Variants in ANKRD17 observed in about 807,000 individuals in gnomAD.
ANKRD17 encodes the protein ankyrin repeat domain-containing protein 17.
Under a neutral mutation model 229.7 loss-of-function variants are expected in ANKRD17, and 19 were observed. The ratio of observed to expected loss-of-function variants is 0.08; its 90% CI spans 0.06 to 0.12. ANKRD17 has a LOEUF of 0.12. Among genes scored for constraint, ANKRD17 ranks in the 10% least tolerant of loss-of-function variants. The pLI is 1.00. For synonymous variants in ANKRD17, 1,112 were observed against 1,146.1 expected (o/e 0.97, Z 0.60); for missense variants, 2,176 against 3,176.8 (o/e 0.68, Z 7.57).
chr4:73,149,090 TA>T lies in ANKRD17; in HGVS notation c.1330-41del, dbSNP rs528563828. On this transcript the variant is annotated intron_variant, in intron 7 of 33. Coordinates refer to ENST00000358602, the MANE Select transcript of ANKRD17 (RefSeq NM_032217.5). Reference sequence around the variant, plus strand: ...ATTTAAAAAATTAAATCAGCACCATTAAAAAAATCTTGAAAAATTTGAAGAC... The same window carrying T: ...ATTTAAAAAATTAAATCAGCACCATTAAAAAATCTTGAAAAATTTGAAGAC... 3.3e-3 allele frequency: 5,065 copies of T among 1,554,844 alleles called. 19 individuals are homozygous for T. Among genetic ancestry groups the T allele is most frequent in the Non-Finnish European group, 3.9e-3 (4,471 of 1,141,292 alleles).
chr4:73,128,451 T>C (rs1727762149), intron 16 of ANKRD17, among the ~76,000 whole-genome samples: 1 of 152,228 alleles, frequency 6.6e-6, no homozygotes, highest in Non-Finnish European at 1.5e-5. Context: ...TTAGGAAAGC[T>C]TAAATAGAAA....
chr4:73,228,928 A>G (rs1578468798), intron 1 of ANKRD17, among the ~76,000 whole-genome samples: 1 of 152,348 alleles, frequency 6.6e-6, no homozygotes, highest in African/African-American at 2.4e-5. Context: ...TGTGGCACGT[A>G]TACACCATGG....
At chr4:73,142,832 T>C in intron 11 of ANKRD17, 65 bp from the exon 12 acceptor site, 1 of 1,519,196 alleles carries the variant, frequency 6.6e-7, no homozygotes, top group Non-Finnish European at 8.9e-7. Context: ...TATGGTAAAT[T>C]TAAAAATCAT....
intron 1 of ANKRD17, among the ~76,000 whole-genome samples, chr4:73,202,318 TAAAAAAAAAAA>T (rs10533861): frequency 2.7e-4 from 6 of 21,938 alleles, no homozygotes; most frequent in Non-Finnish European, 4.5e-4. Context: ...GGAACAGGAT[TAAAAAAAAAAA>T]AAAAAAAAAA....
intron 1 of ANKRD17, among the ~76,000 whole-genome samples, chr4:73,193,517 T>G (rs1012892269): frequency 2.6e-5 from 4 of 152,234 alleles, no homozygotes; most frequent in African/African-American, 9.7e-5. Context: ...TTTTGGTATC[T>G]TCTGGCTTTT....
intron 1 of ANKRD17, among the ~76,000 whole-genome samples, chr4:73,204,662 A>G (rs1257741934): frequency 6.6e-6 from 1 of 152,160 alleles, no homozygotes; most frequent in Non-Finnish European, 1.5e-5. Context: ...TCTTTAAATA[A>G]TAAGAATCTA....
intron 1 of ANKRD17, among the ~76,000 whole-genome samples, chr4:73,208,116 G>A (rs1739740525): frequency 6.7e-6 from 1 of 148,852 alleles, no homozygotes; most frequent in Non-Finnish European, 1.5e-5. Flanking sequence ...GTGAGCCCGG[G>A]AGGCGGAGCT....
At chr4:73,216,548 A>G (rs1039046890) in intron 1 of ANKRD17, among the ~76,000 whole-genome samples, 1 of 152,208 alleles carries the variant, frequency 6.6e-6, no homozygotes, top group African/African-American at 2.4e-5. Flanking sequence ...AGGGTTAACT[A>G]TGTAACTAAA....
chr4:73,210,485 C>T (rs1294819330), intron 1 of ANKRD17, among the ~76,000 whole-genome samples: 1 of 151,758 alleles, frequency 6.6e-6, no homozygotes, highest in Admixed American at 6.6e-5. Context: ...CTGTGTGGGC[C>T]AATGTTATAT....
At chr4:73,112,655 TA>T (rs1263314578) in intron 24 of ANKRD17, 1 of 672,156 alleles carries the variant, frequency 1.5e-6, no homozygotes, top group African/African-American at 2.0e-5. Context: ...TAGAACTTAA[TA>T]AAGAAAGCAA....
intron 1 of ANKRD17, among the ~76,000 whole-genome samples, chr4:73,209,153 C>T (rs1252916289): frequency 6.6e-6 from 1 of 152,116 alleles, no homozygotes; most frequent in Admixed American, 6.5e-5. Context: ...TTGTAGTGAG[C>T]CAAGATCGTG....
Position 73,139,863 on chromosome 4 carries a change from C to T in ANKRD17, c.2753G>A (p.Gly918Glu). The change falls in exon 15 of 34, where the codon GGA becomes GAA. Residue 918 changes from glycine (G) to glutamate (E), a missense_variant. Coordinates refer to ENST00000358602, the MANE Select transcript of ANKRD17 (RefSeq NM_032217.5). ...ATAGTCTCCCTCAGAAAGCTGCTCT[C>T]CAACTCCAACAGGAGTTAGTAATCC... ...HLGLLTPVGV[G>E]EQLSEGDYAR... 4 of 1,614,168 alleles carry T rather than the reference C, an allele frequency of 2.5e-6. No individual in the cohort carries two copies. The highest frequency in any genetic ancestry group is 3.3e-5 in the Admixed American group (2 of 60,028).
At chr4:73,171,035 G>A (rs1454715245) in intron 2 of ANKRD17, among the ~76,000 whole-genome samples, 1 of 152,052 alleles carries the variant, frequency 6.6e-6, no homozygotes, top group Non-Finnish European at 1.5e-5. Context: ...AAACATAGGT[G>A]GTAGCCAGGT....
intron 1 of ANKRD17, among the ~76,000 whole-genome samples, chr4:73,183,780 T>TA (rs1399832040): frequency 2.6e-5 from 4 of 152,174 alleles, no homozygotes; most frequent in African/African-American, 9.6e-5. Context: ...AGTTTTTTTT[T>TA]ATACGAGTCT....
chr4:73,182,051 C>CAAAAAAAAAAAA (rs143812968), intron 1 of ANKRD17, among the ~76,000 whole-genome samples: 5 of 43,258 alleles, frequency 1.2e-4, no homozygotes, highest in African/African-American at 3.3e-4. Context: ...CCGTCCCCAC[C>CAAAAAAAAAAAA]AAAAAAAAAA....
At chr4:73,099,431 A>G (rs1227434973) in intron 25 of ANKRD17, among the ~76,000 whole-genome samples, 1 of 152,034 alleles carries the variant, frequency 6.6e-6, no homozygotes, top group Non-Finnish European at 1.5e-5. Flanking sequence ...CAATGCTAAC[A>G]TCCCACTTAG....
At chr4:73,085,485 T>G (rs1722021944) in intron 29 of ANKRD17, 39 bp from the exon 30 acceptor site, 1 of 1,532,094 alleles carries the variant, frequency 6.5e-7, no homozygotes, top group Admixed American at 1.7e-5. Flanking sequence ...TAATAGTTAC[T>G]CCTGCAAGAA....
chr4:73,161,469 T>C (rs1732513424), intron 2 of ANKRD17, 121 bp from the exon 3 acceptor site: 1 of 958,112 alleles, frequency 1.0e-6, no homozygotes, highest in East Asian at 2.6e-5. Flanking sequence ...AGAGTAGACA[T>C]ATATATTGGC....
At chr4:73,134,226 C>T (rs1362076096) in intron 16 of ANKRD17, among the ~76,000 whole-genome samples, 1 of 152,068 alleles carries the variant, frequency 6.6e-6, no homozygotes, top group East Asian at 1.9e-4. Flanking sequence ...CCAACACAAA[C>T]ACACATACAC....
Sources: gnomAD v4.1 joint callset for allele counts (sites outside exome capture counted in the v4.1 genomes callset) on GRCh38, gnomAD v4.1.1 for gene constraint, MANE v1.5 for transcripts, NCBI Gene and HGNC (gene_info 2026-07-23, HGNC 2026-07-21) for gene names.